The following KIF3C variants were observed in gnomAD, a reference collection of about 807,000 sequenced individuals.
KIF3C encodes kinesin family member 3C, also known as kinesin-like protein KIF3C.
A neutral mutation model predicts 67.7 loss-of-function variants in KIF3C; 12 were observed. The observed-to-expected ratio is 0.18, with a 90% CI of 0.11 to 0.29. The LOEUF is 0.29. Ranked by LOEUF, KIF3C falls within the 10% of genes least tolerant of loss-of-function variation. The pLI is 1.00. For missense variants in KIF3C, 789 were observed against 1,059.6 expected (o/e 0.74, Z 3.55); for synonymous variants, 393 against 426.2 (o/e 0.92, Z 0.96).
intron 5 of KIF3C, among the ~76,000 whole-genome samples, chr2:25,935,252 A>C (rs1663067563): frequency 6.6e-6 from 1 of 151,968 alleles, no homozygotes; most frequent in Admixed American, 6.6e-5. Context: ...TTAAAAAAAA[A>C]TAAATAATAA....
chr2:25,951,813 A>T lies in KIF3C; in HGVS notation c.1982T>A (p.Phe661Tyr). The change falls in exon 5 of 8, where the codon TTC becomes TAC. Residue 661 changes from phenylalanine to tyrosine, a missense_variant. Phe to Tyr is a conservative substitution (Grantham distance 22). Transcript: ENST00000264712. ...FLDCEEEQWKFQPLVPAGVSS... is the reference protein window; with the variant it reads ...FLDCEEEQWKYQPLVPAGVSS... ...CACGCCGGCTGGCACCAGTGGCTGGAACTTCCACTGCTCCTCCTCACAGTC... is the reference window on the plus strand; with the variant it reads ...CACGCCGGCTGGCACCAGTGGCTGGTACTTCCACTGCTCCTCCTCACAGTC... 1.2e-6 allele frequency: 2 copies of T among 1,612,946 alleles called. No individual in the cohort carries two copies. Among genetic ancestry groups the T allele is most frequent in the African/African-American group, 2.7e-5 (2 of 75,054 alleles).
intron 1 of KIF3C, among the ~76,000 whole-genome samples, chr2:25,963,846 C>A (rs972859882): frequency 1.3e-5 from 2 of 151,824 alleles, no homozygotes; most frequent in South Asian, 2.1e-4. Flanking sequence ...ATGTGTACCA[C>A]CACACCTGGC....
At chr2:25,969,141 C>T (rs1664215741) in intron 1 of KIF3C, among the ~76,000 whole-genome samples, 1 of 152,136 alleles carries the variant, frequency 6.6e-6, no homozygotes, top group Non-Finnish European at 1.5e-5. Context: ...ATCTATTGGT[C>T]ATTCCTTACA....
intron 7 of KIF3C, 96 bp downstream of exon 7, chr2:25,929,209 T>C: frequency 6.8e-7 from 1 of 1,476,870 alleles, no homozygotes; most frequent in Non-Finnish European, 9.4e-7. Flanking sequence ...CTTCCTGCCC[T>C]TCGGGTACCA....
chr2:25,952,005 G>C lies in KIF3C; in HGVS notation c.1890-100C>G, dbSNP rs985973300. 91 of 840,340 alleles carry C rather than the reference G, an allele frequency of 1.1e-4. No individual in the cohort carries two copies. In the Admixed American group the frequency reaches 1.6e-3, roughly 15 times the overall value. 52.1% of individuals were successfully genotyped at this position (840,340 alleles called of 1,614,324 possible). ...ATTAGAAGCAACAAGCCAAGAGGCA[G>C]AGGGGGCTGGGCACGGTGGCTCACG... is the stretch of plus-strand genomic sequence containing the variant. On this transcript the variant is annotated intron_variant, in intron 4 of 7. Transcript: ENST00000264712.
intron 5 of KIF3C, among the ~76,000 whole-genome samples, chr2:25,940,440 G>A (rs1008250567): frequency 4.6e-5 from 7 of 151,776 alleles, no homozygotes; most frequent in East Asian, 2.0e-4. Context: ...GTGTGGTGGC[G>A]TATGCCTGTA....
intron 1 of KIF3C, among the ~76,000 whole-genome samples, chr2:25,969,543 A>G (rs1312502459): frequency 6.6e-6 from 1 of 152,168 alleles, no homozygotes; most frequent in Non-Finnish European, 1.5e-5. Context: ...TGAAAAATAA[A>G]ATAAAAAGGT....
chr2:25,950,585 A>G (rs67105458), intron 5 of KIF3C, among the ~76,000 whole-genome samples: 29,557 of 152,000 alleles, frequency 0.19, 3,382 homozygotes, highest in African/African-American at 0.32. Flanking sequence ...ATCCAACTCC[A>G]GCAAATGTCA....
chr2:25,927,941 CAG>C lies in KIF3C; in HGVS notation c.*1035_*1036del, dbSNP rs956312886. On this transcript the variant is annotated 3_prime_UTR_variant, in exon 8 of 8. Transcript: ENST00000264712. ...ATACCTTAAAGATGCAATTCAGAAA[CAG>C]GGGTAACAGGCAAAGCTGGAAAAGA... 12 of 152,564 alleles carry C rather than the reference CAG, an allele frequency of 7.9e-5. No individual in the cohort carries two copies. The highest frequency in any genetic ancestry group is 5.9e-4 in the Admixed American group (9 of 15,256). 9.5% of individuals were successfully genotyped at this position (152,564 alleles called of 1,614,324 possible). A position where few individuals can be genotyped will look rare whatever the true frequency, so the allele number is the denominator to read the frequency against.
chr2:25,972,378 G>C (rs760802321), intron 1 of KIF3C, among the ~76,000 whole-genome samples: 3 of 152,118 alleles, frequency 2.0e-5, no homozygotes, highest in Non-Finnish European at 4.4e-5. Flanking sequence ...CTTCCCACTA[G>C]TCAAATCTTT....
Position 25,980,602 on chromosome 2 carries a change from T to C in KIF3C, c.1316A>G (p.Asn439Ser). The change falls in exon 1 of 8, where the codon AAC (asparagine) becomes AGC (serine). Residue 439 changes from asparagine (N) to serine (S), a missense_variant. By Grantham distance (46) the Asn-to-Ser change is conservative. Coordinates refer to ENST00000264712, the MANE Select transcript of KIF3C (RefSeq NM_002254.8). The surrounding 1 kb of genome is among the most constrained non-coding windows in gnomAD (Gnocchi z 7.6). The part of the protein sequence containing the change: ...AWVAEEEDDN[N>S]NNHRPPQPIL... ...GGGCTGGGGCGGGCGGTGGTTGTTG[T>C]TGTTGTCATCCTCCTCTTCTGCCAC... is the stretch of plus-strand genomic sequence containing the variant. The C allele has an allele frequency of 6.2e-7, 1 of 1,614,034 alleles. No homozygotes were observed. Among genetic ancestry groups the C allele is most frequent in the East Asian group, 2.2e-5 (1 of 44,872 alleles).
chr2:25,981,931 C>T lies in KIF3C; in HGVS notation c.-14G>A, dbSNP rs562411111. On this transcript the variant is annotated 5_prime_UTR_variant, in exon 1 of 8. Coordinates refer to ENST00000264712, the MANE Select transcript of KIF3C (RefSeq NM_002254.8). This position sits in a 1 kb window ranked among gnomAD's most constrained non-coding sequence, Gnocchi z 8.2. ...CTTACTGGCCATCTTGCTGCTCTGACCTTCCTGCCCCCGAGCCCCTCCGCA... is the reference window on the plus strand; with the variant it reads ...CTTACTGGCCATCTTGCTGCTCTGATCTTCCTGCCCCCGAGCCCCTCCGCA... 2.0e-6 allele frequency: 3 copies of T among 1,520,046 alleles called. No individual in the cohort carries two copies. Among genetic ancestry groups the T allele is most frequent in the African/African-American group, 1.4e-5 (1 of 72,668 alleles). 94.2% of individuals were successfully genotyped at this position (1,520,046 alleles called of 1,614,324 possible).
Position 25,955,409 on chromosome 2 carries a change from G to C in KIF3C, c.1770+132C>G. Reference sequence around the variant, plus strand: ...CTGCCTCCCCCTGTTGCTCACCCCCGAGGCCAAGCCATGTCACTCAGGGGT... The same window carrying C: ...CTGCCTCCCCCTGTTGCTCACCCCCCAGGCCAAGCCATGTCACTCAGGGGT... On this transcript the variant is annotated intron_variant, in intron 3 of 7. Coordinates refer to ENST00000264712, the MANE Select transcript of KIF3C (RefSeq NM_002254.8). This position sits in a 1 kb window ranked among gnomAD's most constrained non-coding sequence, Gnocchi z 5.0. 12 of 973,974 alleles carry C rather than the reference G, an allele frequency of 1.2e-5. No individual in the cohort carries two copies. Among genetic ancestry groups the C allele is most frequent in the Non-Finnish European group, 1.5e-5 (10 of 677,584 alleles). 60.3% of individuals were successfully genotyped at this position (973,974 alleles called of 1,614,324 possible).
In KIF3C at chr2:25,962,448, C is replaced by T. The variant is rs1014371296; in HGVS notation, c.1546-6004G>A. On this transcript the variant is annotated intron_variant, in intron 1 of 7. Coordinates refer to ENST00000264712, the MANE Select transcript of KIF3C (RefSeq NM_002254.8). ...AGGCTGGAGTGCAATGGCACGATCT[C>T]GGCTCACGCAACCTCCACCTCCTGG... is the stretch of plus-strand genomic sequence containing the variant. 3.3e-5 allele frequency among the ~76,000 whole-genome samples: 5 copies of T among 151,818 alleles called. No homozygotes were observed. In the East Asian group the frequency reaches 9.7e-4, roughly 29 times the overall value.
chr2:25,976,331 T>A (rs1032660978), intron 1 of KIF3C, among the ~76,000 whole-genome samples: 4 of 152,196 alleles, frequency 2.6e-5, no homozygotes, highest in Non-Finnish European at 5.9e-5. Flanking sequence ...GACCTTCTTA[T>A]TGGGGATCAC....
At chr2:25,930,624 G>C (rs1424995431) in intron 5 of KIF3C, among the ~76,000 whole-genome samples, 1 of 152,002 alleles carries the variant, frequency 6.6e-6, no homozygotes, top group Non-Finnish European at 1.5e-5. Context: ...CACAACCTCT[G>C]CCTCCCGGGT....
Position 25,975,737 on chromosome 2 carries a change from T to A in KIF3C, c.1545+4636A>T, listed in dbSNP as rs111965317. On this transcript the variant is annotated intron_variant, in intron 1 of 7. Coordinates refer to ENST00000264712, the MANE Select transcript of KIF3C (RefSeq NM_002254.8). ...ACTTTGGGAGGCTGAGGCGGGTGGATCATGAGGTCAGGAGATCCAGACCAT... is the reference window on the plus strand; with the variant it reads ...ACTTTGGGAGGCTGAGGCGGGTGGAACATGAGGTCAGGAGATCCAGACCAT... Among the ~76,000 whole-genome samples, 181 of 152,136 alleles carry A rather than the reference T, an allele frequency of 1.2e-3. 1 individual carries two copies. Among genetic ancestry groups the A allele is most frequent in the African/African-American group, 4.1e-3 (171 of 41,520 alleles).
At chr2:25,954,442 C>T in intron 3 of KIF3C, 57 bp from the exon 4 acceptor site, 1 of 1,344,512 alleles carries the variant, frequency 7.4e-7, no homozygotes, top group South Asian at 1.2e-5. Context: ...AGGCCCCAGT[C>T]ACCCAGCCTG....
intron 5 of KIF3C, among the ~76,000 whole-genome samples, chr2:25,948,654 AAGAGAAAGAGAGAAAGAG>A (rs1264567294): frequency 3.3e-5 from 5 of 150,306 alleles, no homozygotes; most frequent in African/African-American, 1.2e-4. Context: ...GAAAGAGAGA[AAGAGAAAGAGAGAAAGAG>A]AGAGAGAAAG....
Sources: gnomAD v4.1 joint callset for allele counts (sites outside exome capture counted in the v4.1 genomes callset) on GRCh38, gnomAD v4.1.1 for gene constraint, Gnocchi (gnomAD v3.1) non-coding constraint, MANE v1.5 for transcripts, NCBI Gene and HGNC (gene_info 2026-07-23, HGNC 2026-07-21) for gene names.